Variants in KCNMA1 observed in about 807,000 individuals in gnomAD.
KCNMA1 encodes potassium calcium-activated channel subfamily M alpha 1, also known as Calcium-activated potassium channel subunit alpha-1.
In KCNMA1, 29 loss-of-function variants were observed where a neutral mutation model predicts 140.0. The ratio of observed to expected loss-of-function variants is 0.21; its 90% CI spans 0.15 to 0.28. The LOEUF (loss-of-function observed/expected upper bound fraction) is 0.28. Ranked by LOEUF, KCNMA1 falls within the 10% of genes least tolerant of loss-of-function variation. KCNMA1 has a pLI of 1.00. For synonymous variants in KCNMA1, 612 were observed against 611.9 expected (o/e 1.00, Z 0.00); for missense variants, 880 against 1,602.2 (o/e 0.55, Z 7.70).
At position 77,178,256 on chromosome 10, in the gene KCNMA1, T is replaced by C. The variant is rs189803725; in HGVS notation, c.808+5165A>G. On this transcript the variant is annotated intron_variant, in intron 5 of 27. Transcript: ENST00000286628. Reference sequence around the variant, plus strand: ...CAGGGGATGGTGTTGGAAATCACAGTACCAGTAGGATACAGGGTGGCCCGG... The same window carrying C: ...CAGGGGATGGTGTTGGAAATCACAGCACCAGTAGGATACAGGGTGGCCCGG... Among the ~76,000 whole-genome samples the C allele has an allele frequency of 1.3e-3, 203 of 152,304 alleles. 1 individual carries two copies. Among genetic ancestry groups the C allele is most frequent in the African/African-American group, 4.4e-3 (181 of 41,572 alleles).
intron 5 of KCNMA1, among the ~76,000 whole-genome samples, chr10:77,122,402 A>G (rs1274219137): frequency 6.6e-6 from 1 of 152,170 alleles, no homozygotes; most frequent in Non-Finnish European, 1.5e-5. Flanking sequence ...CAGAGATGAG[A>G]CGGGATGTTG....
rs182369726 is a variant in KCNMA1 at position 77,008,158 on chromosome 10, G to A, written c.2092+3809C>T. The A allele has an allele frequency of 1.2e-5, 19 of 1,533,178 alleles. No homozygotes were observed. In the East Asian group the frequency reaches 1.7e-4, roughly 14 times the overall value. 95.0% of individuals were successfully genotyped at this position (1,533,178 alleles called of 1,614,324 possible). Reference sequence around the variant, plus strand: ...AGAAAGACAGGGGGAACTGGACTCCGGGCTGCTGGGAACCCGTTTTACTCA... The same window carrying A: ...AGAAAGACAGGGGGAACTGGACTCCAGGCTGCTGGGAACCCGTTTTACTCA... On this transcript the variant is annotated intron_variant, in intron 18 of 27. Coordinates refer to ENST00000286628, the MANE Select transcript of KCNMA1 (RefSeq NM_001161352.2).
chr10:76,939,400 G>T (rs145652811), intron 23 of KCNMA1: 1 of 151,832 alleles, frequency 6.6e-6, no homozygotes, highest in Non-Finnish European at 1.5e-5. Context: ...GATTACAGGC[G>T]TAAGCCACCG....
intron 1 of KCNMA1, among the ~76,000 whole-genome samples, chr10:77,632,712 G>A (rs763791398): frequency 2.0e-5 from 3 of 152,326 alleles, no homozygotes; most frequent in South Asian, 4.1e-4. Context: ...GTTATAGTCT[G>A]CGCCCTTCAG....
chr10:77,634,241 A>T, intron 1 of KCNMA1: 5 of 985,468 alleles, frequency 5.1e-6, no homozygotes, highest in Non-Finnish European at 6.0e-6. Context: ...CCCACAAGGA[A>T]AAAAACAATA....
chr10:77,442,326 A>T (rs1231410946), intron 1 of KCNMA1, among the ~76,000 whole-genome samples: 1 of 151,696 alleles, frequency 6.6e-6, no homozygotes, highest in Non-Finnish European at 1.5e-5. Context: ...GAAGCCAGGC[A>T]CCCAGGGTTC....
intron 23 of KCNMA1, among the ~76,000 whole-genome samples, chr10:76,923,445 AG>A (rs368192771): frequency 6.6e-6 from 1 of 151,814 alleles, no homozygotes; most frequent in South Asian, 2.1e-4. Flanking sequence ...AAAAAAAAAA[AG>A]AAAAAAAGAA....
intron 5 of KCNMA1, among the ~76,000 whole-genome samples, chr10:77,131,553 C>G (rs1321283235): frequency 6.6e-6 from 1 of 152,150 alleles, no homozygotes; most frequent in African/African-American, 2.4e-5. Context: ...GAGTGGTTAC[C>G]TTTGTGGGGT....
intron 16 of KCNMA1, among the ~76,000 whole-genome samples, chr10:77,022,318 A>G (rs1231913386): frequency 1.3e-5 from 2 of 152,198 alleles, no homozygotes; most frequent in Non-Finnish European, 2.9e-5. Flanking sequence ...TAAGAGAAAA[A>G]GCCCATATAT....
chr10:77,605,533 T>A (rs2154567033), intron 1 of KCNMA1, among the ~76,000 whole-genome samples: 1 of 152,282 alleles, frequency 6.6e-6, no homozygotes, highest in Non-Finnish European at 1.5e-5. Context: ...CCTGGAGACC[T>A]CCCAGCCCTC....
chr10:76,886,076 C>A lies in KCNMA1; in HGVS notation c.*1190G>T. ...GCCAACAGTTGAAGGTGGTGGCTGG[C>A]TTTTGTCTTTGTTGAGTCAACTGTG... On this transcript the variant is annotated 3_prime_UTR_variant, in exon 28 of 28. Coordinates refer to ENST00000286628, the MANE Select transcript of KCNMA1 (RefSeq NM_001161352.2). 2 of 985,382 alleles carry A rather than the reference C, an allele frequency of 2.0e-6. No individual in the cohort carries two copies. Among genetic ancestry groups the A allele is most frequent in the Non-Finnish European group, 2.4e-6 (2 of 829,926 alleles). The allele number at this position is 985,382 out of a possible 1,614,324, so 61.0% of individuals were successfully genotyped here. A position where few individuals can be genotyped will look rare whatever the true frequency, so the allele number is the denominator to read the frequency against.
At chr10:77,386,581 A>G (rs1016707942) in intron 2 of KCNMA1, among the ~76,000 whole-genome samples, 13 of 152,250 alleles carry the variant, frequency 8.5e-5, no homozygotes, top group Admixed American at 3.3e-4. Context: ...TGCAGGCACA[A>G]CAGGTAGACT....
intron 1 of KCNMA1, among the ~76,000 whole-genome samples, chr10:77,423,142 A>T (rs2096903291): frequency 6.6e-6 from 1 of 152,192 alleles, no homozygotes; most frequent in African/African-American, 2.4e-5. Flanking sequence ...TAGATTATCT[A>T]ATTAATGTGA....
At chr10:77,171,372 G>A (rs1004737453) in intron 5 of KCNMA1, among the ~76,000 whole-genome samples, 2 of 146,338 alleles carry the variant, frequency 1.4e-5, no homozygotes, top group Non-Finnish European at 3.0e-5. Context: ...AATAGATTTC[G>A]GAAAGTACGT....
intron 3 of KCNMA1, among the ~76,000 whole-genome samples, chr10:77,236,771 A>C (rs2154216981): frequency 6.6e-6 from 1 of 152,338 alleles, no homozygotes; most frequent in African/African-American, 2.4e-5. Context: ...TTCTCTAGCT[A>C]TATTTCCATC....
At chr10:77,463,920 C>T (rs2097925482) in intron 1 of KCNMA1, among the ~76,000 whole-genome samples, 1 of 152,158 alleles carries the variant, frequency 6.6e-6, no homozygotes, top group South Asian at 2.1e-4. Flanking sequence ...CCCAGCCTCC[C>T]AGCTTTCTGG....
intron 18 of KCNMA1, among the ~76,000 whole-genome samples, chr10:77,001,869 C>T (rs1211241139): frequency 6.6e-6 from 1 of 152,174 alleles, no homozygotes; most frequent in Non-Finnish European, 1.5e-5. Flanking sequence ...GCTGAATACA[C>T]TCGGGTTCTC....
chr10:77,495,871 G>A (rs1396537459), intron 1 of KCNMA1, among the ~76,000 whole-genome samples: 1 of 152,174 alleles, frequency 6.6e-6, no homozygotes, highest in Non-Finnish European at 1.5e-5. Context: ...AGGCTACTGA[G>A]CCACCAGTAC....
downstream of KCNMA1, chr10:76,875,882 T>C (rs2032289552): frequency 6.5e-6 from 1 of 152,674 alleles, no homozygotes; most frequent in South Asian, 2.1e-4. Flanking sequence ...CATTTTAGTC[T>C]GCTGAGTAGG....
Sources: gnomAD v4.1 joint callset for allele counts (sites outside exome capture counted in the v4.1 genomes callset) on GRCh38, gnomAD v4.1.1 for gene constraint, MANE v1.5 for transcripts, NCBI Gene and HGNC (gene_info 2026-07-23, HGNC 2026-07-21) for gene names.